EYS: variants seen among roughly 807,000 people sequenced by gnomAD.
The protein encoded by EYS is EGF-like photoreceptor maintenance factor, also known as protein eyes shut homolog.
Under a neutral mutation model 282.1 loss-of-function variants are expected in EYS, and 250 were observed. The observed-to-expected ratio is 0.89, with a 90% CI of 0.80 to 0.98. The LOEUF (loss-of-function observed/expected upper bound fraction) is 0.98, where lower values mean the gene tolerates loss of function less well. Among genes scored for constraint, EYS ranks in the 50% least tolerant of loss-of-function variants. The probability of loss-of-function intolerance (pLI) is 0.00; values close to 1 mark genes in which losing one functional copy is unlikely to be tolerated. For missense variants in EYS, 4,016 were observed against 3,709.0 expected (o/e 1.08, Z -2.15); for synonymous variants, 1,355 against 1,282.9 (o/e 1.06, Z -1.20).
At chr6:65,025,332 A>G (rs1772375300) in intron 13 of EYS, among the ~76,000 whole-genome samples, 1 of 152,226 alleles carries the variant, frequency 6.6e-6, no homozygotes, top group African/African-American at 2.4e-5. Context: ...CAAAATGCAC[A>G]TATCATGTCT....
chr6:64,294,343 A>G (rs1768825727), intron 30 of EYS, among the ~76,000 whole-genome samples: 1 of 152,238 alleles, frequency 6.6e-6, no homozygotes, highest in African/African-American at 2.4e-5. Flanking sequence ...CTAAAAATTT[A>G]AATATTTTGA....
At chr6:64,534,375 A>G (rs2149795214) in intron 26 of EYS, among the ~76,000 whole-genome samples, 1 of 152,218 alleles carries the variant, frequency 6.6e-6, no homozygotes, top group South Asian at 2.1e-4. Context: ...ACATAAATAT[A>G]AATCTGTTCT....
At chr6:65,156,641 A>G (rs1267604885) in intron 12 of EYS, among the ~76,000 whole-genome samples, 2 of 151,162 alleles carry the variant, frequency 1.3e-5, no homozygotes, top group Non-Finnish European at 3.0e-5. Context: ...TTCCTCAGTC[A>G]TTAGGACTGT....
At chr6:65,384,885 G>C (rs947392166) in intron 7 of EYS, among the ~76,000 whole-genome samples, 8 of 151,896 alleles carry the variant, frequency 5.3e-5, no homozygotes, top group Non-Finnish European at 1.2e-4. Context: ...AGGAGTTAAT[G>C]ATGACTACAT....
At chr6:63,893,885 C>A (rs1438749594) in intron 35 of EYS, among the ~76,000 whole-genome samples, 1 of 152,164 alleles carries the variant, frequency 6.6e-6, no homozygotes, top group Non-Finnish European at 1.5e-5. Flanking sequence ...TTTGGAACTT[C>A]TCCTGTCCAC....
intron 5 of EYS, among the ~76,000 whole-genome samples, chr6:65,482,248 T>C (rs936447325): frequency 6.6e-6 from 1 of 152,200 alleles, no homozygotes; most frequent in Non-Finnish European, 1.5e-5. Flanking sequence ...CCTTAAAAAT[T>C]ATTTACATTA....
chr6:65,172,982 T>TAA (rs10542329), intron 12 of EYS, among the ~76,000 whole-genome samples: 1 of 145,600 alleles, frequency 6.9e-6, no homozygotes. Flanking sequence ...CCTGGAAATT[T>TAA]AAAAAAAAAA....
chr6:65,480,119 C>T (rs1168457421), intron 5 of EYS, among the ~76,000 whole-genome samples: 3 of 152,072 alleles, frequency 2.0e-5, no homozygotes, highest in African/African-American at 7.2e-5. Flanking sequence ...GAGCTGAGAT[C>T]GCACCACTGC....
At chr6:64,031,454 G>C (rs944221533) in intron 33 of EYS, among the ~76,000 whole-genome samples, 1 of 152,146 alleles carries the variant, frequency 6.6e-6, no homozygotes, top group East Asian at 1.9e-4. Context: ...GATCAGGATC[G>C]CCCCCTGCTT....
intron 31 of EYS, among the ~76,000 whole-genome samples, chr6:64,215,728 A>C (rs952205127): frequency 6.6e-6 from 1 of 152,162 alleles, no homozygotes; most frequent in Non-Finnish European, 1.5e-5. Flanking sequence ...CATGCCAGGG[A>C]AAGAAAAAAT....
intron 12 of EYS, among the ~76,000 whole-genome samples, chr6:65,273,575 G>A (rs1767962160): frequency 6.6e-6 from 1 of 152,044 alleles, no homozygotes; most frequent in African/African-American, 2.4e-5. Flanking sequence ...CAAGTTTGAA[G>A]GGGAAAAAAA....
intron 26 of EYS, among the ~76,000 whole-genome samples, chr6:64,584,303 T>G (rs2149826649): frequency 6.6e-6 from 1 of 152,048 alleles, no homozygotes; most frequent in South Asian, 2.1e-4. Context: ...GTATACATGG[T>G]TTTACATTTT....
chr6:64,437,719 G>A (rs1481429003), intron 27 of EYS, among the ~76,000 whole-genome samples: 1 of 149,582 alleles, frequency 6.7e-6, no homozygotes, highest in African/African-American at 2.4e-5. Context: ...AATTATATAT[G>A]AAGGCTATGA....
At chr6:64,892,257 T>A (rs1767314209) in intron 18 of EYS, among the ~76,000 whole-genome samples, 1 of 151,984 alleles carries the variant, frequency 6.6e-6, no homozygotes, top group Non-Finnish European at 1.5e-5. Context: ...AATAAGTAGA[T>A]GTATTATTTG....
intron 26 of EYS, among the ~76,000 whole-genome samples, chr6:64,574,783 T>C (rs1765829252): frequency 1.3e-5 from 2 of 152,216 alleles, no homozygotes; most frequent in African/African-American, 4.8e-5. Context: ...GAAAAATATG[T>C]AATTTCATTT....
chr6:65,635,258 A>G (rs1767045111), intron 2 of EYS, among the ~76,000 whole-genome samples: 1 of 152,166 alleles, frequency 6.6e-6, no homozygotes, highest in South Asian at 2.1e-4. Flanking sequence ...TAGAGTGACC[A>G]TCAGCCTTTT....
chr6:65,494,039 T>A (rs893136354), intron 4 of EYS, among the ~76,000 whole-genome samples: 16 of 152,140 alleles, frequency 1.1e-4, no homozygotes, highest in Admixed American at 7.2e-4. Flanking sequence ...AAAGCTTTTA[T>A]ATTATTCTGA....
chr6:64,477,278 T>C (rs1776300428), intron 26 of EYS, among the ~76,000 whole-genome samples: 1 of 152,204 alleles, frequency 6.6e-6, no homozygotes, highest in South Asian at 2.1e-4. Flanking sequence ...AATACATATG[T>C]ACTGTTTAAC....
chr6:65,643,148 G>T (rs1767334165), intron 1 of EYS, among the ~76,000 whole-genome samples: 1 of 152,188 alleles, frequency 6.6e-6, no homozygotes, highest in Non-Finnish European at 1.5e-5. Flanking sequence ...TCTCAGCCCT[G>T]GTCACCAGCT....
Sources: gnomAD v4.1 joint callset for allele counts (sites outside exome capture counted in the v4.1 genomes callset) on GRCh38, gnomAD v4.1.1 for gene constraint, MANE v1.5 for transcripts, NCBI Gene and HGNC (gene_info 2026-07-23, HGNC 2026-07-21) for gene names.